The following GOLGA4 variants were observed in gnomAD, a reference collection of about 807,000 sequenced individuals.
GOLGA4 encodes the protein golgin subfamily A member 4.
A neutral mutation model predicts 265.9 loss-of-function variants in GOLGA4; 169 were observed. The observed-to-expected ratio is 0.64, with a 90% CI of 0.56 to 0.72. GOLGA4 has a LOEUF of 0.72. Ranked by LOEUF, GOLGA4 falls within the 30% of genes least tolerant of loss-of-function variation. GOLGA4 has a pLI of 0.00. For missense variants in GOLGA4, 2,482 were observed against 2,483.4 expected (o/e 1.00, Z 0.01); for synonymous variants, 923 against 855.8 (o/e 1.08, Z -1.37).
intron 1 of GOLGA4, chr3:37,244,134 G>A (rs900512162): frequency 1.3e-5 from 2 of 153,214 alleles, no homozygotes; most frequent in Non-Finnish European, 2.9e-5. Context: ...CCAGGTCCAG[G>A]GATTGAAGGC....
At chr3:37,263,468 C>G (rs994814698) in intron 2 of GOLGA4, among the ~76,000 whole-genome samples, 2 of 152,128 alleles carry the variant, frequency 1.3e-5, no homozygotes, top group African/African-American at 4.8e-5. Flanking sequence ...TATTCTCTCC[C>G]TTGGACACCC....
At chr3:37,281,727 A>G (rs535972574) in intron 2 of GOLGA4, among the ~76,000 whole-genome samples, 2 of 152,282 alleles carry the variant, frequency 1.3e-5, no homozygotes, top group East Asian at 1.9e-4. Context: ...AGGGCATTCT[A>G]CCTCTAGGTG....
intron 10 of GOLGA4, among the ~76,000 whole-genome samples, chr3:37,312,003 A>G (rs1184786022): frequency 6.6e-6 from 1 of 152,220 alleles, no homozygotes; most frequent in East Asian, 1.9e-4. Flanking sequence ...ATTCACTAGT[A>G]TTGACTACAT....
chr3:37,351,303 G>T (rs1157394339), intron 21 of GOLGA4, among the ~76,000 whole-genome samples: 4 of 152,030 alleles, frequency 2.6e-5, no homozygotes, highest in Non-Finnish European at 1.5e-5. Flanking sequence ...ATGTCTTCAG[G>T]CTCTGCTTCT....
chr3:37,294,002 C>T (rs186470132), intron 5 of GOLGA4, among the ~76,000 whole-genome samples: 65 of 152,206 alleles, frequency 4.3e-4, no homozygotes, highest in African/African-American at 8.2e-4. Flanking sequence ...TGTAAAAATA[C>T]GTTATTATAA....
chr3:37,366,414 A>T lies in GOLGA4; in HGVS notation c.*368A>T. On this transcript the variant is annotated 3_prime_UTR_variant, in exon 24 of 24. Transcript: ENST00000361924. ...AAAGAACGGCTTACCTTTCCTATTT[A>T]TTTTTAGGGTGATTTTTTAAAAAGA... The T allele has an allele frequency of 3.4e-6, 1 of 292,696 alleles. No individual in the cohort carries two copies. Among genetic ancestry groups the T allele is most frequent in the East Asian group, 5.8e-5 (1 of 17,236 alleles). The allele number at this position is 292,696 out of a possible 1,614,324, so 18.1% of individuals were successfully genotyped here.
At chr3:37,354,861 T>C (rs1408750604) in intron 21 of GOLGA4, among the ~76,000 whole-genome samples, 1 of 152,176 alleles carries the variant, frequency 6.6e-6, no homozygotes, top group East Asian at 1.9e-4. Context: ...GAATTTTATA[T>C]AGCTTCATGC....
intron 19 of GOLGA4, among the ~76,000 whole-genome samples, chr3:37,338,502 T>C (rs2097021902): frequency 6.6e-6 from 1 of 152,260 alleles, no homozygotes; most frequent in Non-Finnish European, 1.5e-5. Context: ...TTCTCAAGAT[T>C]ACTGCTTTAA....
intron 5 of GOLGA4, among the ~76,000 whole-genome samples, chr3:37,293,567 A>G (rs1230439096): frequency 6.6e-6 from 1 of 152,228 alleles, no homozygotes; most frequent in African/African-American, 2.4e-5. Context: ...AGTTTAGGGA[A>G]CTAGTGAAGT....
chr3:37,245,359 G>C (rs1466977671), intron 1 of GOLGA4: 1 of 152,472 alleles, frequency 6.6e-6, no homozygotes, highest in Non-Finnish European at 1.5e-5. Context: ...CGCAGCTAGT[G>C]TTAGAGTCTT....
At chr3:37,361,538 G>A (rs1696272629) in intron 23 of GOLGA4, among the ~76,000 whole-genome samples, 2 of 152,130 alleles carry the variant, frequency 1.3e-5, no homozygotes, top group Non-Finnish European at 2.9e-5. Flanking sequence ...AAGAGTAATT[G>A]AAAGTTTGAA....
intron 11 of GOLGA4, among the ~76,000 whole-genome samples, chr3:37,318,834 A>G (rs919144505): frequency 1.3e-5 from 2 of 152,144 alleles, no homozygotes; most frequent in African/African-American, 2.4e-5. Flanking sequence ...AGTCTATTGT[A>G]GCAGTAGCAG....
chr3:37,274,999 G>A (rs926267287), intron 2 of GOLGA4, among the ~76,000 whole-genome samples: 31 of 151,648 alleles, frequency 2.0e-4, no homozygotes, highest in African/African-American at 7.5e-4. Flanking sequence ...GGATCACAAG[G>A]TGAGGGGTTC....
Position 37,324,032 on chromosome 3 carries a change from A to C in GOLGA4, c.2146A>C (p.Lys716Gln). The C allele has an allele frequency of 6.2e-7, 1 of 1,614,016 alleles. No individual in the cohort carries two copies. Among genetic ancestry groups the C allele is most frequent in the Admixed American group, 1.7e-5 (1 of 60,020 alleles). The change falls in exon 14 of 24, where the codon AAA (lysine) becomes CAA (glutamine). Residue 716 changes from lysine (K) to glutamine (Q), a missense_variant. This residue lies in a region of GOLGA4 where 1,536 missense variants were observed against 1,483.7 expected (regional missense o/e 1.04). Coordinates refer to ENST00000361924, the MANE Select transcript of GOLGA4 (RefSeq NM_002078.5). ...TTCTGTTCTGAAAGATCAAACAGAT[A>C]AAATGAAGCAGGAATTAGAGGCCAA... The part of the protein sequence containing the change: ...ELSVLKDQTD[K>Q]MKQELEAKMD...
intron 6 of GOLGA4, 60 bp from the exon 7 acceptor site, chr3:37,296,027 C>T: frequency 6.8e-7 from 1 of 1,464,978 alleles, no homozygotes; most frequent in Non-Finnish European, 9.6e-7. Context: ...TACCAAGGGA[C>T]AATTGTACTA....
intron 5 of GOLGA4, 136 bp downstream of exon 5, chr3:37,289,427 G>A (rs2096859179): frequency 5.5e-6 from 3 of 546,052 alleles, no homozygotes; most frequent in Admixed American, 3.2e-5. Context: ...TACAAGACCA[G>A]GGGTCAGTTC....
At chr3:37,306,000 A>G (rs1299519161) in intron 10 of GOLGA4, among the ~76,000 whole-genome samples, 2 of 152,218 alleles carry the variant, frequency 1.3e-5, no homozygotes, top group Non-Finnish European at 2.9e-5. Flanking sequence ...GGAAATCTGA[A>G]TGTCTTTGAT....
chr3:37,262,508 A>G (rs140299953), intron 2 of GOLGA4, among the ~76,000 whole-genome samples: 1 of 150,280 alleles, frequency 6.7e-6, no homozygotes, highest in African/African-American at 2.4e-5. Flanking sequence ...ATCTCAAAAA[A>G]AAGAAAAAAA....
chr3:37,270,584 C>T (rs2096796034), intron 2 of GOLGA4, among the ~76,000 whole-genome samples: 1 of 152,114 alleles, frequency 6.6e-6, no homozygotes. Flanking sequence ...AATATGGACT[C>T]TTGCTGTTCT....
Sources: gnomAD v4.1 joint callset for allele counts (sites outside exome capture counted in the v4.1 genomes callset) on GRCh38, gnomAD v4.1.1 for gene constraint, gnomAD v4.1.1 regional missense constraint, MANE v1.5 for transcripts, NCBI Gene and HGNC (gene_info 2026-07-23, HGNC 2026-07-21) for gene names.